The following ITGA2 variants were observed in gnomAD, a reference collection of about 807,000 sequenced individuals.
The protein encoded by ITGA2 is integrin alpha-2.
Under a neutral mutation model 146.3 loss-of-function variants are expected in ITGA2, and 101 were observed. That is an observed-to-expected ratio of 0.69 (90% CI 0.59 to 0.81). The LOEUF (loss-of-function observed/expected upper bound fraction) is 0.81, where lower values mean the gene tolerates loss of function less well. ITGA2 is among the 40% of genes least tolerant of loss of function. The probability of loss-of-function intolerance (pLI) is 0.00; values close to 1 mark genes in which losing one functional copy is unlikely to be tolerated. For synonymous variants in ITGA2, 477 were observed against 487.1 expected, an observed-to-expected ratio of 0.98 and a Z score of 0.27; for missense variants, 1,281 against 1,402.7, an observed-to-expected ratio of 0.91 and a Z score of 1.39.
intron 2 of ITGA2, among the ~76,000 whole-genome samples, chr5:53,035,548 C>G (rs1743448178): frequency 6.6e-6 from 1 of 152,134 alleles, no homozygotes; most frequent in East Asian, 1.9e-4. Flanking sequence ...ACTAAAATTG[C>G]CTTTCAATAT....
intron 17 of ITGA2, 111 bp from the exon 18 acceptor site, chr5:53,071,827 C>T (rs1024353948): frequency 5.1e-5 from 39 of 758,622 alleles, no homozygotes; most frequent in Non-Finnish European, 8.5e-5. Flanking sequence ...TGAGAGCTGA[C>T]TGTGCTCTAA....
At chr5:53,027,169 T>G (rs1271941880) in intron 2 of ITGA2, among the ~76,000 whole-genome samples, 1 of 152,248 alleles carries the variant, frequency 6.6e-6, no homozygotes, top group Admixed American at 6.5e-5. Flanking sequence ...ATGATAGATT[T>G]GTCTTCATTT....
At chr5:53,041,598 A>G (rs1296680808) in intron 2 of ITGA2, among the ~76,000 whole-genome samples, 1 of 152,186 alleles carries the variant, frequency 6.6e-6, no homozygotes, top group Admixed American at 6.5e-5. Context: ...GCCACGAGCC[A>G]CATGTGACTA....
chr5:53,020,422 T>C (rs1229877569), intron 1 of ITGA2, among the ~76,000 whole-genome samples: 1 of 152,166 alleles, frequency 6.6e-6, no homozygotes, highest in African/African-American at 2.4e-5. Flanking sequence ...TTTAAGTCTA[T>C]AGGCATAAAT....
chr5:53,018,459 T>A (rs1742506366), intron 1 of ITGA2, among the ~76,000 whole-genome samples: 2 of 152,114 alleles, frequency 1.3e-5, no homozygotes, highest in Admixed American at 1.3e-4. Flanking sequence ...GGATTCCTGG[T>A]GCTGGGCAGC....
rs765965432 is a variant in ITGA2, at chr5:53,073,149, A to G, written c.2461A>G (p.Lys821Glu). 3.1e-6 allele frequency: 5 copies of G among 1,612,222 alleles called. No homozygotes were observed. In the East Asian group the frequency reaches 1.1e-4, roughly 36 times the overall value. ...ACCCTTTATTGTCAGCAACCAAAAC[A>G]AAAGGTTAACATTTTCAGTAACGCT... ...EQPFIVSNQN[K>E]RLTFSVTLKN... The change falls in exon 20 of 30, where the codon AAA becomes GAA. Residue 821 changes from lysine to glutamate, a missense_variant. Coordinates refer to ENST00000296585, the MANE Select transcript of ITGA2 (RefSeq NM_002203.4).
intron 1 of ITGA2, among the ~76,000 whole-genome samples, chr5:53,025,888 G>A (rs1476397032): frequency 6.6e-6 from 1 of 152,182 alleles, no homozygotes; most frequent in African/African-American, 2.4e-5. Context: ...CATTAATGCT[G>A]TCAGTGTCAT....
chr5:53,067,262 G>A lies in ITGA2; in HGVS notation c.2083+5G>A, dbSNP rs377091473. ...CTAAGCAAAACAATCAAGTGGGTGC[G>A]TAGATCTGAAATAATCTGTATAGAA... On this transcript the variant is annotated splice_donor_5th_base_variant and intron_variant, in intron 16 of 29. Coordinates refer to ENST00000296585, the MANE Select transcript of ITGA2 (RefSeq NM_002203.4). 2.0e-5 allele frequency: 33 copies of A among 1,610,980 alleles called. No individual in the cohort carries two copies. Among genetic ancestry groups the A allele is most frequent in the South Asian group, 7.7e-5 (7 of 91,022 alleles).
chr5:53,067,175 T>A lies in ITGA2; in HGVS notation c.2001T>A (p.Thr667=), dbSNP rs1745188613. The A allele has an allele frequency of 6.2e-7, 1 of 1,611,666 alleles. No homozygotes were observed. The highest frequency in any genetic ancestry group is 1.7e-5 in the Admixed American group (1 of 59,788). The change falls in exon 16 of 30, where the codon ACT becomes ACA. Residue 667 remains threonine (T), a synonymous_variant. Coordinates refer to ENST00000296585, the MANE Select transcript of ITGA2 (RefSeq NM_002203.4). ...IEASFTPEKI[T]LVNKNAQIIL... ...CTTCATTCACACCAGAAAAAATCAC[T>A]TTGGTCAACAAGAATGCTCAGATAA...
intron 1 of ITGA2, among the ~76,000 whole-genome samples, chr5:52,997,736 G>A (rs976222738): frequency 1.3e-5 from 2 of 152,144 alleles, no homozygotes; most frequent in Non-Finnish European, 1.5e-5. Flanking sequence ...TTTACCAGTT[G>A]CCTTCGAGTC....
chr5:53,048,120 A>G (rs565117807), intron 4 of ITGA2, among the ~76,000 whole-genome samples: 1 of 152,200 alleles, frequency 6.6e-6, no homozygotes, highest in South Asian at 2.1e-4. Context: ...CCCTTCACTG[A>G]CACCTGCTCC....
At position 53,093,117 on chromosome 5, in the gene ITGA2, A is replaced by G. The variant is rs934063638; in HGVS notation, c.*2518A>G. On this transcript the variant is annotated 3_prime_UTR_variant, in exon 30 of 30. Transcript: ENST00000296585. Reference sequence around the variant, plus strand: ...AAGACTCTGTCTCAAACAAACAAACAAAAAAAAAGTTAGTACTGTATATGT... The same window carrying G: ...AAGACTCTGTCTCAAACAAACAAACGAAAAAAAAGTTAGTACTGTATATGT... 1 of 151,538 alleles carries G rather than the reference A, an allele frequency of 6.6e-6. No homozygotes were observed. Among genetic ancestry groups the G allele is most frequent in the African/African-American group, 2.4e-5 (1 of 41,280 alleles). 9.4% of individuals were successfully genotyped at this position (151,538 alleles called of 1,614,324 possible).
intron 13 of ITGA2, among the ~76,000 whole-genome samples, chr5:53,064,313 T>C (rs1431063976): frequency 6.6e-6 from 1 of 151,960 alleles, no homozygotes; most frequent in Non-Finnish European, 1.5e-5. Context: ...GAAGATCGTA[T>C]TATTGAGAGG....
At chr5:53,029,282 C>CA (rs1743109930) in intron 2 of ITGA2, among the ~76,000 whole-genome samples, 2 of 152,016 alleles carry the variant, frequency 1.3e-5, no homozygotes, top group Admixed American at 6.6e-5. Flanking sequence ...AAAAAACAAA[C>CA]AAAAAACACA....
intron 1 of ITGA2, among the ~76,000 whole-genome samples, chr5:53,019,563 T>C (rs527479942): frequency 1.3e-5 from 2 of 152,304 alleles, no homozygotes; most frequent in East Asian, 1.9e-4. Flanking sequence ...TCTTGCTCTG[T>C]GGTCCAGGCT....
At chr5:53,084,625 A>G (rs1015914424) in intron 27 of ITGA2, among the ~76,000 whole-genome samples, 5 of 152,170 alleles carry the variant, frequency 3.3e-5, no homozygotes, top group African/African-American at 1.2e-4. Context: ...ATTTGCTTTC[A>G]AGTCTTCAGG....
intron 1 of ITGA2, among the ~76,000 whole-genome samples, chr5:53,012,237 G>C (rs1742169750): frequency 6.6e-6 from 1 of 152,018 alleles, no homozygotes. Context: ...TAAGGTTTGT[G>C]GATGCATTTG....
intron 10 of ITGA2, 57 bp downstream of exon 10, chr5:53,058,158 A>G: frequency 8.0e-7 from 1 of 1,255,426 alleles, no homozygotes; most frequent in Admixed American, 1.7e-5. Flanking sequence ...ACTTCCAGAC[A>G]CAGTAGCCTT....
intron 3 of ITGA2, among the ~76,000 whole-genome samples, chr5:53,044,634 GA>G (rs373213394): frequency 5.3e-4 from 73 of 138,264 alleles, no homozygotes; most frequent in South Asian, 5.0e-3. Context: ...TACTGACCCA[GA>G]AAAAAAAAAA....
Sources: allele counts gnomAD v4.1 joint callset (sites outside exome capture counted in the v4.1 genomes callset), GRCh38; gene constraint gnomAD v4.1.1; transcripts MANE v1.5; gene names NCBI Gene and HGNC (gene_info 2026-07-23, HGNC 2026-07-21).